NRXN3: variants seen among roughly 807,000 people sequenced by gnomAD.
NRXN3 encodes the protein neurexin III.
Under a neutral mutation model 137.6 loss-of-function variants are expected in NRXN3, and 32 were observed. That is an observed-to-expected ratio of 0.23 (90% CI 0.18 to 0.31). The LOEUF is 0.31. Among genes scored for constraint, NRXN3 ranks in the 10% least tolerant of loss-of-function variants. NRXN3 has a pLI of 1.00. For synonymous variants in NRXN3, 798 were observed against 784.5 expected, an observed-to-expected ratio of 1.02 and a Z score of -0.29; for missense variants, 1,574 against 2,062.5, an observed-to-expected ratio of 0.76 and a Z score of 4.59.
At position 78,614,877 on chromosome 14, in the gene NRXN3, A is replaced by G. The variant is rs182423031; in HGVS notation, c.758-30243A>G. On this transcript the variant is annotated intron_variant, in intron 4 of 20. Coordinates refer to ENST00000335750, the MANE Select transcript of NRXN3 (RefSeq NM_001330195.2). ...TAGGGCACTATAGTGGTAATAGACT[A>G]GCTGGGGGCTCAGCAGCTAGTGGAA... The G allele has an allele frequency of 1.3e-5, 6 of 451,700 alleles. No individual in the cohort carries two copies. In the East Asian group the frequency reaches 4.2e-4, roughly 32 times the overall value. The allele number at this position is 451,700 out of a possible 1,614,324, so 28.0% of individuals were successfully genotyped here. A position where few individuals can be genotyped will look rare whatever the true frequency, so the allele number is the denominator to read the frequency against.
chr14:78,388,258 G>A lies in NRXN3; in HGVS notation c.757+90398G>A, dbSNP rs560408862. On this transcript the variant is annotated intron_variant, in intron 4 of 20. Transcript: ENST00000335750. ...TTCGCGCTTCTGACTCCAAGTGCGA[G>A]GCTCCTTTGACTACATTTAGGCTTA... Among the ~76,000 whole-genome samples, 6 of 152,280 alleles carry A rather than the reference G, an allele frequency of 3.9e-5. No individual in the cohort carries two copies. The East Asian group carries it at 1.2e-3, about 29-fold the overall frequency.
intron 4 of NRXN3, among the ~76,000 whole-genome samples, chr14:78,621,731 C>G (rs901472690): frequency 6.6e-6 from 1 of 152,156 alleles, no homozygotes; most frequent in Non-Finnish European, 1.5e-5. Flanking sequence ...CACCTAGATG[C>G]CCTATGTGTT....
At chr14:78,693,029 G>A (rs1417484989) in intron 6 of NRXN3, among the ~76,000 whole-genome samples, 3 of 151,990 alleles carry the variant, frequency 2.0e-5, no homozygotes, top group Non-Finnish European at 4.4e-5. Context: ...GTTGCAGTGA[G>A]CCGAGATCAT....
intron 4 of NRXN3, among the ~76,000 whole-genome samples, chr14:78,470,846 G>T (rs1274422925): frequency 6.6e-6 from 1 of 152,066 alleles, no homozygotes; most frequent in South Asian, 2.1e-4. Flanking sequence ...TGGGGTACTG[G>T]ACCAGGTAAG....
intron 15 of NRXN3, among the ~76,000 whole-genome samples, chr14:79,283,302 A>AG (rs938925743): frequency 1.3e-5 from 2 of 152,162 alleles, no homozygotes; most frequent in Non-Finnish European, 2.9e-5. Flanking sequence ...TTTGGACTTA[A>AG]GAGATTGTTG....
At chr14:79,472,802 T>C (rs549121556) in intron 16 of NRXN3, among the ~76,000 whole-genome samples, 117 of 152,180 alleles carry the variant, frequency 7.7e-4, no homozygotes, top group African/African-American at 2.8e-3. Context: ...GAAAAAAAAC[T>C]GAATAGGACT....
At chr14:79,623,196 T>C (rs900195751) in intron 16 of NRXN3, among the ~76,000 whole-genome samples, 8 of 152,194 alleles carry the variant, frequency 5.3e-5, no homozygotes, top group Non-Finnish European at 1.2e-4. Flanking sequence ...CCCCATACCA[T>C]GCAAATGCCT....
At chr14:78,942,318 C>T (rs898996821) in intron 10 of NRXN3, among the ~76,000 whole-genome samples, 1 of 152,212 alleles carries the variant, frequency 6.6e-6, no homozygotes, top group Non-Finnish European at 1.5e-5. Flanking sequence ...GAAGCCCTGT[C>T]TCTGACTCTT....
intron 15 of NRXN3, among the ~76,000 whole-genome samples, chr14:79,385,060 T>C (rs902686222): frequency 6.6e-6 from 1 of 151,850 alleles, no homozygotes; most frequent in Non-Finnish European, 1.5e-5. Flanking sequence ...ATTTAGATGG[T>C]GTCTTTTTTT....
At chr14:78,399,502 GGGTGCT>G (rs2153652737) in intron 4 of NRXN3, among the ~76,000 whole-genome samples, 1 of 152,282 alleles carries the variant, frequency 6.6e-6, no homozygotes, top group Admixed American at 6.5e-5. Context: ...GAGCTGTCCA[GGGTGCT>G]GGACTCTCCT....
At chr14:79,185,196 C>T (rs17108842) in intron 15 of NRXN3, among the ~76,000 whole-genome samples, 5,425 of 152,116 alleles carry the variant, frequency 0.036, 234 homozygotes, top group East Asian at 0.21. Context: ...TGAGCAGAAA[C>T]ACTAATACCC....
intron 6 of NRXN3, among the ~76,000 whole-genome samples, chr14:78,691,303 A>C (rs1363321115): frequency 1.3e-5 from 2 of 152,170 alleles, no homozygotes. Flanking sequence ...TGCAGAGACA[A>C]GGTTGTAAAA....
intron 15 of NRXN3, among the ~76,000 whole-genome samples, chr14:79,144,569 G>A (rs1471710355): frequency 6.6e-6 from 1 of 152,100 alleles, no homozygotes; most frequent in African/African-American, 2.4e-5. Flanking sequence ...GCTCTATGAG[G>A]CAATTTGTGG....
intron 4 of NRXN3, among the ~76,000 whole-genome samples, chr14:78,302,997 C>T (rs8013638): frequency 0.078 from 11,831 of 152,104 alleles, 805 homozygotes; most frequent in East Asian, 0.29. Flanking sequence ...TTAAACTCTG[C>T]GGCCCACAAA....
intron 16 of NRXN3, among the ~76,000 whole-genome samples, chr14:79,548,364 G>GA (rs928623869): frequency 6.6e-6 from 1 of 152,186 alleles, no homozygotes; most frequent in Admixed American, 6.5e-5. Context: ...CAAAGGACAT[G>GA]AAGTCATTCT....
chr14:79,805,989 C>T (rs1183966402), intron 20 of NRXN3, among the ~76,000 whole-genome samples: 1 of 152,024 alleles, frequency 6.6e-6, no homozygotes, highest in East Asian at 1.9e-4. Flanking sequence ...AATTGCAGTC[C>T]CTGATTATTT....
At chr14:79,300,201 G>A (rs1391077381) in intron 15 of NRXN3, among the ~76,000 whole-genome samples, 1 of 151,996 alleles carries the variant, frequency 6.6e-6, no homozygotes, top group Non-Finnish European at 1.5e-5. Context: ...TCTGCTCTAG[G>A]TCAAAAGTTA....
At chr14:79,791,854 G>T (rs2099146394) in intron 19 of NRXN3, among the ~76,000 whole-genome samples, 1 of 152,156 alleles carries the variant, frequency 6.6e-6, no homozygotes, top group Non-Finnish European at 1.5e-5. Flanking sequence ...TGCAAAGGAG[G>T]CTTGGTTAGG....
intron 4 of NRXN3, among the ~76,000 whole-genome samples, chr14:78,440,130 T>C (rs1311412469): frequency 1.3e-5 from 2 of 152,238 alleles, no homozygotes; most frequent in Non-Finnish European, 2.9e-5. Context: ...ATAAATCTCT[T>C]GGCTGCACCA....
Sources: allele counts gnomAD v4.1 joint callset (sites outside exome capture counted in the v4.1 genomes callset), GRCh38; gene constraint gnomAD v4.1.1; transcripts MANE v1.5; gene names NCBI Gene and HGNC (gene_info 2026-07-23, HGNC 2026-07-21).